NRSN1: variants seen among roughly 807,000 people sequenced by gnomAD.
NRSN1 encodes neurensin-1.
In NRSN1, 14 loss-of-function variants were observed where a neutral mutation model predicts 17.3. That is an observed-to-expected ratio of 0.81 (90% CI 0.54 to 1.27). The LOEUF is 1.27. Among genes scored for constraint, NRSN1 ranks in the 50% most tolerant of loss-of-function variants. NRSN1 has a pLI of 0.00. For synonymous variants in NRSN1, 79 were observed against 94.2 expected, an observed-to-expected ratio of 0.84 and a Z score of 0.93; for missense variants, 209 against 235.9, an observed-to-expected ratio of 0.89 and a Z score of 0.75.
chr6:24,142,617 G>A (rs965303840), intron 3 of NRSN1, among the ~76,000 whole-genome samples: 1 of 152,070 alleles, frequency 6.6e-6, no homozygotes, highest in Non-Finnish European at 1.5e-5. Context: ...GCCCCACCAT[G>A]CCTGGCTAAT....
At chr6:24,132,555 T>G (rs1372122518) in intron 2 of NRSN1, among the ~76,000 whole-genome samples, 1 of 152,256 alleles carries the variant, frequency 6.6e-6, no homozygotes, top group Non-Finnish European at 1.5e-5. Context: ...ATAATTTTTT[T>G]TGGAAGAAGT....
At position 24,138,709 on chromosome 6, in the gene NRSN1, C is replaced by T. The variant is rs114022719; in HGVS notation, c.189+4193C>T. ...ACCCAGGTTAAGTTCCTCCTATCTG[C>T]CCTGACCTCTCCAGTTCCCCCTCTT... is the stretch of plus-strand genomic sequence containing the variant. On this transcript the variant is annotated intron_variant, in intron 3 of 3. Coordinates refer to ENST00000378491, the MANE Select transcript of NRSN1 (RefSeq NM_080723.5). Among the ~76,000 whole-genome samples, 469 of 152,302 alleles carry T rather than the reference C, an allele frequency of 3.1e-3. 1 individual carries two copies. Among genetic ancestry groups the T allele is most frequent in the African/African-American group, 0.011 (437 of 41,554 alleles).
intron 2 of NRSN1, among the ~76,000 whole-genome samples, chr6:24,128,553 A>G (rs186588225): frequency 1.3e-5 from 2 of 152,350 alleles, no homozygotes; most frequent in Non-Finnish European, 2.9e-5. Flanking sequence ...ATGCTTATAT[A>G]ATTTCAGAAT....
intron 2 of NRSN1, among the ~76,000 whole-genome samples, chr6:24,130,215 A>G (rs1760007256): frequency 6.6e-6 from 1 of 152,198 alleles, no homozygotes; most frequent in African/African-American, 2.4e-5. Context: ...TGAAACCTTG[A>G]TCTTTAAGTA....
intron 3 of NRSN1, among the ~76,000 whole-genome samples, chr6:24,142,190 G>GATTTTTTTT: frequency 5.0e-5 from 1 of 20,054 alleles, no homozygotes; most frequent in Non-Finnish European, 1.6e-4. Context: ...ATACAGAACA[G>GATTTTTTTT]CTTTTTTTTT....
intron 2 of NRSN1, 104 bp from the exon 3 acceptor site, chr6:24,134,215 T>C (rs1760083415): frequency 1.1e-6 from 1 of 884,086 alleles, no homozygotes; most frequent in African/African-American, 1.7e-5. Flanking sequence ...AGAGCATTGT[T>C]CAACTAGGCA....
intron 3 of NRSN1, among the ~76,000 whole-genome samples, chr6:24,139,644 CAG>C (rs1270503834): frequency 3.9e-5 from 6 of 152,184 alleles, no homozygotes; most frequent in Admixed American, 3.3e-4. Context: ...GAGCTCAAAA[CAG>C]AGATCCAGGC....
At chr6:24,138,680 C>G (rs981284484) in intron 3 of NRSN1, among the ~76,000 whole-genome samples, 1 of 152,198 alleles carries the variant, frequency 6.6e-6, no homozygotes, top group Non-Finnish European at 1.5e-5. Context: ...TCTTTCCTCT[C>G]AAGACCCAGG....
chr6:24,126,338 G>T lies in NRSN1; in HGVS notation c.-85G>T, dbSNP rs559802676. 8.7e-5 allele frequency: 14 copies of T among 161,642 alleles called. No individual in the cohort carries two copies. The highest frequency in any genetic ancestry group is 1.8e-4 in the South Asian group (1 of 5,648). The allele number at this position is 161,642 out of a possible 1,614,324, so 10.0% of individuals were successfully genotyped here. On this transcript the variant is annotated splice_region_variant and 5_prime_UTR_variant, in exon 1 of 4. Transcript: ENST00000378491. ...TGCTCCACGGGTCAGGGGATCGGAG[G>T]GGGTAGGTAAAGCCACGCAGAGTCC...
intron 3 of NRSN1, chr6:24,140,974 G>A (rs899341787): frequency 2.1e-6 from 3 of 1,406,640 alleles, no homozygotes; most frequent in Non-Finnish European, 2.8e-6. Context: ...GGAATCGGAA[G>A]TTACAGCACA....
At chr6:24,143,182 A>G (rs867519112) in intron 3 of NRSN1, among the ~76,000 whole-genome samples, 11 of 152,038 alleles carry the variant, frequency 7.2e-5, no homozygotes, top group African/African-American at 2.4e-4. Flanking sequence ...TCCCCACCCG[A>G]CCCAGAAGCC....
chr6:24,136,823 T>C (rs1380968684), intron 3 of NRSN1, among the ~76,000 whole-genome samples: 2 of 152,212 alleles, frequency 1.3e-5, no homozygotes, highest in Admixed American at 6.5e-5. Flanking sequence ...GAGTCCTAGA[T>C]GTATACCTTA....
chr6:24,145,396 C>T lies in NRSN1; in HGVS notation c.190-152C>T. 1.9e-6 allele frequency: 1 copy of T among 537,536 alleles called. No homozygotes were observed. The allele number at this position is 537,536 out of a possible 1,614,324, so 33.3% of individuals were successfully genotyped here. ...AAAGATCATCTTTCACCTTTTTCAA[C>T]AGAAAATTAAGTAAGTGTTTCCTGC... On this transcript the variant is annotated intron_variant, in intron 3 of 3. Transcript: ENST00000378491. The surrounding 1 kb of genome is among the most constrained non-coding windows in gnomAD (Gnocchi z 4.4).
chr6:24,142,098 G>A (rs1359250703), intron 3 of NRSN1, among the ~76,000 whole-genome samples: 1 of 147,686 alleles, frequency 6.8e-6, no homozygotes, highest in African/African-American at 2.5e-5. Context: ...AAATGTACTT[G>A]CCACCATTTT....
chr6:24,126,257 C>G lies in NRSN1; in HGVS notation c.-166C>G, dbSNP rs1323419985. 1 of 177,592 alleles carries G rather than the reference C, an allele frequency of 5.6e-6. No individual in the cohort carries two copies. The highest frequency in any genetic ancestry group is 1.2e-5 in the Non-Finnish European group (1 of 85,890). The allele number at this position is 177,592 out of a possible 1,614,324, so 11.0% of individuals were successfully genotyped here. A position where few individuals can be genotyped will look rare whatever the true frequency, so the allele number is the denominator to read the frequency against. Reference sequence around the variant, plus strand: ...TGAGCTCTACGAGGCGGAGCGGCGGCGGTGGCGACGGCGATGGGACCCCAG... The same window carrying G: ...TGAGCTCTACGAGGCGGAGCGGCGGGGGTGGCGACGGCGATGGGACCCCAG... On this transcript the variant is annotated 5_prime_UTR_variant, in exon 1 of 4. Coordinates refer to ENST00000378491, the MANE Select transcript of NRSN1 (RefSeq NM_080723.5).
intron 2 of NRSN1, among the ~76,000 whole-genome samples, chr6:24,131,367 G>A (rs1291941359): frequency 6.6e-6 from 1 of 152,072 alleles, no homozygotes; most frequent in African/African-American, 2.4e-5. Flanking sequence ...AGCATCTAAG[G>A]AAACATAACT....
Position 24,147,126 on chromosome 6 carries a change from T to C in NRSN1, c.*1180T>C, listed in dbSNP as rs1391581074. 6.6e-6 allele frequency: 1 copy of C among 152,186 alleles called. No homozygotes were observed. The highest frequency in any genetic ancestry group is 2.4e-5 in the African/African-American group (1 of 41,450). The allele number at this position is 152,186 out of a possible 1,614,324, so 9.4% of individuals were successfully genotyped here. A position where few individuals can be genotyped will look rare whatever the true frequency, so the allele number is the denominator to read the frequency against. ...TTAAATATCCAACCCCAGCAATTTA[T>C]ACAACGCTGTCATATTTTTAAAAAA... On this transcript the variant is annotated 3_prime_UTR_variant, in exon 4 of 4. Coordinates refer to ENST00000378491, the MANE Select transcript of NRSN1 (RefSeq NM_080723.5).
In NRSN1 at chr6:24,146,420, G is replaced by T; in HGVS notation, c.*474G>T. ...TAGAAACATGGAATTCTCTGATTTT[G>T]AGCCGAACATGAGTTTTTAGACTGT... On this transcript the variant is annotated 3_prime_UTR_variant, in exon 4 of 4. Coordinates refer to ENST00000378491, the MANE Select transcript of NRSN1 (RefSeq NM_080723.5). 2.6e-6 allele frequency: 1 copy of T among 380,112 alleles called. No individual in the cohort carries two copies. The highest frequency in any genetic ancestry group is 2.1e-5 in the South Asian group (1 of 48,070). The allele number at this position is 380,112 out of a possible 1,614,324, so 23.5% of individuals were successfully genotyped here. A position where few individuals can be genotyped will look rare whatever the true frequency, so the allele number is the denominator to read the frequency against.
chr6:24,131,076 C>A (rs181023779), intron 2 of NRSN1, among the ~76,000 whole-genome samples: 2 of 152,118 alleles, frequency 1.3e-5, no homozygotes. Flanking sequence ...GAAAGTAAGG[C>A]GCTTTGGAAT....
Sources: allele counts gnomAD v4.1 joint callset (sites outside exome capture counted in the v4.1 genomes callset), GRCh38; gene constraint gnomAD v4.1.1; non-coding constraint Gnocchi (gnomAD v3.1); transcripts MANE v1.5; gene names NCBI Gene and HGNC (gene_info 2026-07-23, HGNC 2026-07-21).